The following FMN1 variants were observed in gnomAD, a reference collection of about 807,000 sequenced individuals.
FMN1 encodes the protein formin 1, also known as formin-1.
A neutral mutation model predicts 132.4 loss-of-function variants in FMN1; 110 were observed. The observed-to-expected ratio is 0.83, with a 90% confidence interval of 0.71 to 0.97. The LOEUF is 0.97. Among genes scored for constraint, FMN1 ranks in the 50% least tolerant of loss-of-function variants. The pLI is 0.00. For synonymous variants in FMN1, 722 were observed against 651.7 expected (o/e 1.11, Z -1.64); for missense variants, 1,792 against 1,705.3 (o/e 1.05, Z -0.90).
chr15:32,866,533 A>G (rs750234667), intron 16 of FMN1, among the ~76,000 whole-genome samples: 38 of 152,258 alleles, frequency 2.5e-4, no homozygotes, highest in Non-Finnish European at 4.6e-4. Context: ...GAAGAGCTAA[A>G]CAATAACAGC....
chr15:33,177,364 C>G (rs952800808), intron 3 of FMN1, among the ~76,000 whole-genome samples: 1 of 152,170 alleles, frequency 6.6e-6, no homozygotes, highest in African/African-American at 2.4e-5. Context: ...TCAGTCTTCA[C>G]CTGAGATGGT....
intron 16 of FMN1, among the ~76,000 whole-genome samples, chr15:32,876,228 G>A (rs1330952774): frequency 6.6e-6 from 1 of 152,060 alleles, no homozygotes; most frequent in Non-Finnish European, 1.5e-5. Context: ...TCTTTTTATT[G>A]AAATTATGTA....
intron 16 of FMN1, among the ~76,000 whole-genome samples, chr15:32,863,776 A>G (rs1221506188): frequency 6.6e-6 from 1 of 152,186 alleles, no homozygotes; most frequent in Non-Finnish European, 1.5e-5. Flanking sequence ...GGTTAGAAAA[A>G]GTGAATGTCC....
intron 19 of FMN1, among the ~76,000 whole-genome samples, chr15:32,795,771 T>G (rs900417410): frequency 8.5e-5 from 13 of 152,336 alleles, no homozygotes; most frequent in African/African-American, 2.9e-4. Context: ...GGTCACAGAC[T>G]GCACGTCTAG....
chr15:32,837,123 CCTT>C (rs2058646043), intron 17 of FMN1: 1 of 225,772 alleles, frequency 4.4e-6, no homozygotes, highest in African/African-American at 2.3e-5. Context: ...GCTGGAAGGA[CCTT>C]CTAATGATCT....
At chr15:33,167,611 T>G (rs2140313466) in intron 3 of FMN1, among the ~76,000 whole-genome samples, 1 of 152,350 alleles carries the variant, frequency 6.6e-6, no homozygotes, top group African/African-American at 2.4e-5. Context: ...AAAATGTATG[T>G]ATAACTTTTG....
chr15:32,985,289 TGATAGTA>T (rs2032994746), intron 7 of FMN1, among the ~76,000 whole-genome samples: 1 of 152,178 alleles, frequency 6.6e-6, no homozygotes, highest in African/African-American at 2.4e-5. Flanking sequence ...TTGGATTCTC[TGATAGTA>T]CAAATTCCTG....
At chr15:33,095,386 TTAA>T (rs1320093727) in intron 4 of FMN1, among the ~76,000 whole-genome samples, 1 of 152,080 alleles carries the variant, frequency 6.6e-6, no homozygotes, top group Non-Finnish European at 1.5e-5. Flanking sequence ...TACTTGCTTG[TTAA>T]CAAAAAACAT....
intron 5 of FMN1, among the ~76,000 whole-genome samples, chr15:33,072,264 GTC>G (rs1324028942): frequency 4.6e-5 from 7 of 152,298 alleles, no homozygotes; most frequent in African/African-American, 1.7e-4. Context: ...GGAAAATGCA[GTC>G]TTCATGAGAT....
chr15:32,888,747 A>C (rs1198757486), intron 15 of FMN1, among the ~76,000 whole-genome samples: 1 of 152,212 alleles, frequency 6.6e-6, no homozygotes, highest in African/African-American at 2.4e-5. Flanking sequence ...AATGGAAGAT[A>C]CAATCACCCT....
chr15:32,801,522 T>C (rs1238733595), intron 18 of FMN1, among the ~76,000 whole-genome samples: 4 of 151,994 alleles, frequency 2.6e-5, no homozygotes, highest in African/African-American at 7.3e-5. Flanking sequence ...ATCCTAGCAC[T>C]TTGGGAGGCC....
intron 2 of FMN1, among the ~76,000 whole-genome samples, chr15:33,190,391 A>G (rs1966032727): frequency 6.6e-6 from 1 of 152,188 alleles, no homozygotes. Flanking sequence ...TTTGGAAACC[A>G]TGAGGTTTCC....
chr15:32,996,599 T>C (rs1411395099), intron 7 of FMN1, among the ~76,000 whole-genome samples: 1 of 152,184 alleles, frequency 6.6e-6, no homozygotes, highest in Non-Finnish European at 1.5e-5. Flanking sequence ...TCACTCCTTA[T>C]ATATAAAGAC....
chr15:33,052,304 A>G (rs1417561344), intron 6 of FMN1, among the ~76,000 whole-genome samples: 1 of 152,222 alleles, frequency 6.6e-6, no homozygotes. Flanking sequence ...GTAGCCACTA[A>G]AAATGGTTAC....
rs1464384014 is a variant in FMN1, at chr15:32,767,817, AAC to A, written c.*6491_*6492del. 6.6e-6 allele frequency: 1 copy of A among 152,170 alleles called. No homozygotes were observed. The highest frequency in any genetic ancestry group is 1.5e-5 in the Non-Finnish European group (1 of 68,026). The allele number at this position is 152,170 out of a possible 1,614,324, so 9.4% of individuals were successfully genotyped here. A position where few individuals can be genotyped will look rare whatever the true frequency, so the allele number is the denominator to read the frequency against. Reference sequence around the variant, plus strand: ...AAACCTATTTGTGTCATTGCGAGCAAACAGAAGAATTGATACTAGACTTTCCC... The same window carrying A: ...AAACCTATTTGTGTCATTGCGAGCAAAGAAGAATTGATACTAGACTTTCCC... On this transcript the variant is annotated 3_prime_UTR_variant, in exon 21 of 21. Transcript: ENST00000616417.
At chr15:32,988,398 C>T (rs925866118) in intron 7 of FMN1, among the ~76,000 whole-genome samples, 4 of 152,126 alleles carry the variant, frequency 2.6e-5, no homozygotes, top group South Asian at 4.1e-4. Context: ...TTTATACATT[C>T]GTAACAGAAG....
chr15:32,898,887 C>G lies in FMN1; in HGVS notation c.3661G>C (p.Gly1221Arg), dbSNP rs2060224424. Reference protein sequence around the residue: ...KLKDVKSRDNGINLVDYVVKY... With the variant: ...KLKDVKSRDNRINLVDYVVKY... ...ACAACGTAGTCCACCAGATTAATCC[C>G]ATTATCCTAGGTTTAAAAGAGAAAT... is the stretch of plus-strand genomic sequence containing the variant. The change falls in exon 15 of 21, where the codon GGG (glycine) becomes CGG (arginine). Residue 1221 changes from glycine to arginine, a missense_variant. This residue lies in a region of FMN1 where 1,150 missense variants were observed against 1,043.1 expected (regional missense o/e 1.10). Transcript: ENST00000616417. The G allele has an allele frequency of 6.3e-7, 1 of 1,588,874 alleles. No homozygotes were observed.
intron 2 of FMN1, among the ~76,000 whole-genome samples, chr15:33,185,025 A>G (rs535276024): frequency 3.3e-5 from 5 of 152,206 alleles, no homozygotes; most frequent in Non-Finnish European, 7.3e-5. Context: ...ACGATACCAG[A>G]CTATGTCTAA....
intron 17 of FMN1, among the ~76,000 whole-genome samples, chr15:32,819,913 C>T (rs1017437590): frequency 5.9e-5 from 9 of 152,018 alleles, no homozygotes; most frequent in African/African-American, 4.8e-5. Context: ...TACCATTTTT[C>T]GCATACTTGA....
Sources: allele counts gnomAD v4.1 joint callset (sites outside exome capture counted in the v4.1 genomes callset), GRCh38; gene constraint gnomAD v4.1.1; regional missense constraint gnomAD v4.1.1; transcripts MANE v1.5; gene names NCBI Gene and HGNC (gene_info 2026-07-23, HGNC 2026-07-21).